The following MGAT4A variants were observed in gnomAD, a reference collection of about 807,000 sequenced individuals.
The protein encoded by MGAT4A is alpha-1,3-mannosyl-glycoprotein 4-beta-N-acetylglucosaminyltransferase A, also known as N-acetylglucosaminyltransferase IVa.
In MGAT4A, 33 loss-of-function variants were observed where a neutral mutation model predicts 74.1. That is an observed-to-expected ratio of 0.45 (90% CI 0.34 to 0.60). The LOEUF (loss-of-function observed/expected upper bound fraction) is 0.60. Ranked by LOEUF, MGAT4A falls within the 20% of genes least tolerant of loss-of-function variation. The probability of loss-of-function intolerance (pLI) is 0.02; values close to 1 mark genes in which losing one functional copy is unlikely to be tolerated. For synonymous variants in MGAT4A, 198 were observed against 210.4 expected (o/e 0.94, Z 0.51); for missense variants, 479 against 628.3 (o/e 0.76, Z 2.54).
chr2:98,693,336 G>T (rs1702218831), intron 2 of MGAT4A, among the ~76,000 whole-genome samples: 1 of 152,026 alleles, frequency 6.6e-6, no homozygotes, highest in Non-Finnish European at 1.5e-5. Flanking sequence ...GAAAGGAAAT[G>T]ATAAAGGAAG....
chr2:98,720,623 A>AGTGT (rs57302536), intron 2 of MGAT4A, among the ~76,000 whole-genome samples: 15 of 150,884 alleles, frequency 9.9e-5, no homozygotes, highest in East Asian at 9.8e-4. Flanking sequence ...CATGTGTTTG[A>AGTGT]GTGTGTGTGT....
At chr2:98,729,868 C>T (rs545967504) in intron 1 of MGAT4A, among the ~76,000 whole-genome samples, 7 of 152,290 alleles carry the variant, frequency 4.6e-5, no homozygotes, top group East Asian at 1.9e-4. Flanking sequence ...GCCTATATAA[C>T]TTTACACACC....
At chr2:98,665,219 C>G (rs527626179) in intron 4 of MGAT4A, among the ~76,000 whole-genome samples, 1 of 151,260 alleles carries the variant, frequency 6.6e-6, no homozygotes, top group Admixed American at 6.6e-5. Flanking sequence ...GTCCCAGCTA[C>G]TCAGGAGGCT....
intron 10 of MGAT4A, among the ~76,000 whole-genome samples, chr2:98,641,633 G>A (rs545559083): frequency 4.6e-5 from 7 of 151,130 alleles, no homozygotes; most frequent in South Asian, 4.2e-4. Context: ...CCGAGATCGC[G>A]CCACTGCACT....
intron 2 of MGAT4A, among the ~76,000 whole-genome samples, chr2:98,723,422 T>C (rs1702711377): frequency 6.6e-6 from 1 of 152,132 alleles, no homozygotes; most frequent in Non-Finnish European, 1.5e-5. Flanking sequence ...ACACTTCTTA[T>C]TTACAGGAGA....
At chr2:98,706,528 C>A (rs1702435098) in intron 2 of MGAT4A, among the ~76,000 whole-genome samples, 1 of 151,772 alleles carries the variant, frequency 6.6e-6, no homozygotes, top group South Asian at 2.1e-4. Context: ...CGGGGTTTCA[C>A]CATGTTGGCC....
chr2:98,693,768 C>A (rs1389999849), intron 2 of MGAT4A, among the ~76,000 whole-genome samples: 1 of 151,514 alleles, frequency 6.6e-6, no homozygotes, highest in African/African-American at 2.4e-5. Context: ...AAAACGTCAA[C>A]CCCTGTAGAC....
intron 2 of MGAT4A, among the ~76,000 whole-genome samples, chr2:98,704,974 C>T (rs1388619765): frequency 6.6e-6 from 1 of 152,116 alleles, no homozygotes; most frequent in African/African-American, 2.4e-5. Context: ...GAACAAACAT[C>T]CCTTAAGGCA....
chr2:98,683,947 G>C (rs1702096389), intron 2 of MGAT4A, among the ~76,000 whole-genome samples: 1 of 152,144 alleles, frequency 6.6e-6, no homozygotes, highest in Non-Finnish European at 1.5e-5. Context: ...AGGCTCCAGA[G>C]GGGCCATTTT....
At chr2:98,706,633 G>A (rs1332345186) in intron 2 of MGAT4A, among the ~76,000 whole-genome samples, 2 of 147,446 alleles carry the variant, frequency 1.4e-5, no homozygotes, top group African/African-American at 2.5e-5. Context: ...CCGGCCTGAT[G>A]TGAATTTAAA....
In MGAT4A at chr2:98,655,287, T is replaced by C. The variant is rs377645135; in HGVS notation, c.774+158A>G. ...CAGTGGAGAAACATCAGAGCCCACA[T>C]GCTCAGTTACCATGGAGACCCCTCT... On this transcript the variant is annotated intron_variant, in intron 8 of 15. Coordinates refer to ENST00000393487, the MANE Select transcript of MGAT4A (RefSeq NM_012214.3). Among the ~76,000 whole-genome samples the C allele has an allele frequency of 4.6e-5, 7 of 152,244 alleles. No individual in the cohort carries two copies. The East Asian group carries it at 9.6e-4, about 21-fold the overall frequency.
chr2:98,628,786 G>A (rs1701183080), intron 14 of MGAT4A, among the ~76,000 whole-genome samples: 1 of 151,834 alleles, frequency 6.6e-6, no homozygotes, highest in African/African-American at 2.4e-5. Flanking sequence ...TTTTTTTTAA[G>A]TCAGAGTGCC....
rs1004010802 is a variant in MGAT4A, at chr2:98,644,073, C to A, written c.890-20G>T. The A allele has an allele frequency of 2.6e-6, 4 of 1,543,350 alleles. No homozygotes were observed. Among genetic ancestry groups the A allele is most frequent in the Non-Finnish European group, 3.5e-6 (4 of 1,134,370 alleles). On this transcript the variant is annotated intron_variant, in intron 9 of 15. Transcript: ENST00000393487. ...TTTTACCTGAAAAGATATTCCCAGT[C>A]AATAGCTGCAATGAAGAAACCAAGC...
At chr2:98,637,308 C>G (rs1387219781) in intron 12 of MGAT4A, among the ~76,000 whole-genome samples, 2 of 151,510 alleles carry the variant, frequency 1.3e-5, no homozygotes, top group African/African-American at 4.8e-5. Flanking sequence ...ACAGCAAGAA[C>G]TCATCTCTAA....
chr2:98,682,980 C>T (rs972261975), intron 2 of MGAT4A, among the ~76,000 whole-genome samples: 10 of 151,316 alleles, frequency 6.6e-5, no homozygotes, highest in African/African-American at 2.4e-4. Context: ...CCCAGCTATG[C>T]GGGAAGCTGA....
intron 3 of MGAT4A, among the ~76,000 whole-genome samples, chr2:98,677,847 T>G (rs1359153396): frequency 6.8e-6 from 1 of 146,978 alleles, no homozygotes; most frequent in African/African-American, 2.5e-5. Flanking sequence ...AAAGAAAGTT[T>G]TGTGTGGTGG....
At chr2:98,700,394 C>T (rs1007897364) in intron 2 of MGAT4A, among the ~76,000 whole-genome samples, 1 of 148,774 alleles carries the variant, frequency 6.7e-6, no homozygotes, top group African/African-American at 2.5e-5. Flanking sequence ...TTAGTATATA[C>T]TCTATATTAT....
At chr2:98,726,640 C>T (rs1702768318) in intron 1 of MGAT4A, 73 bp from the exon 2 acceptor site, 1 of 333,348 alleles carries the variant, frequency 3.0e-6, no homozygotes, top group Admixed American at 4.6e-5. Context: ...TACTATTCAT[C>T]ATTATAAACA....
At chr2:98,638,561 GCTCT>G (rs1016207805) in intron 12 of MGAT4A, among the ~76,000 whole-genome samples, 7 of 152,140 alleles carry the variant, frequency 4.6e-5, no homozygotes, top group African/African-American at 1.4e-4. Context: ...TTCTATGCTG[GCTCT>G]CTGAGTGGTA....
Sources: allele counts gnomAD v4.1 joint callset (sites outside exome capture counted in the v4.1 genomes callset), GRCh38; gene constraint gnomAD v4.1.1; transcripts MANE v1.5; gene names NCBI Gene and HGNC (gene_info 2026-07-23, HGNC 2026-07-21).